ZNF710: variants seen among roughly 807,000 people sequenced by gnomAD.
The protein encoded by ZNF710 is zinc finger protein 710.
In ZNF710, 13 loss-of-function variants were observed where a neutral mutation model predicts 50.6. The observed-to-expected ratio is 0.26, with a 90% CI of 0.17 to 0.41. ZNF710 has a LOEUF of 0.41. ZNF710 is among the 10% of genes least tolerant of loss of function. The pLI is 1.00. For synonymous variants in ZNF710, 383 were observed against 397.0 expected, an observed-to-expected ratio of 0.96 and a Z score of 0.42; for missense variants, 721 against 936.6, an observed-to-expected ratio of 0.77 and a Z score of 3.01.
At position 90,079,237 on chromosome 15, in the gene ZNF710, C is replaced by T. The variant is rs73486397; in HGVS notation, c.1826-423C>T. On this transcript the variant is annotated intron_variant, in intron 4 of 4. Transcript: ENST00000268154. ...TGATTGCTGGATGAGGCGAGGCCTG[C>T]GAAGTGGCTGGCATGCAGCAGGTGC... 3.8e-3 allele frequency among the ~76,000 whole-genome samples: 585 copies of T among 152,268 alleles called. 6 individuals are homozygous for T. Among genetic ancestry groups the T allele is most frequent in the African/African-American group, 0.013 (556 of 41,540 alleles).
intron 1 of ZNF710, among the ~76,000 whole-genome samples, chr15:90,046,815 G>C (rs1031081763): frequency 1.3e-5 from 2 of 152,184 alleles, no homozygotes; most frequent in Non-Finnish European, 2.9e-5. Context: ...TGTGGTGTGG[G>C]TAAAGGTAGC....
chr15:90,053,683 C>A (rs1899717260), intron 1 of ZNF710, among the ~76,000 whole-genome samples: 1 of 152,196 alleles, frequency 6.6e-6, no homozygotes. Flanking sequence ...GATTTCTGCA[C>A]TGGCTTACCC....
At chr15:90,026,043 A>G (rs1333173036) in intron 1 of ZNF710, 3 of 152,226 alleles carry the variant, frequency 2.0e-5, no homozygotes, top group East Asian at 3.9e-4. Flanking sequence ...GCTTAGGAAA[A>G]AAAAAGAATA....
intron 4 of ZNF710, among the ~76,000 whole-genome samples, chr15:90,077,788 C>T (rs1900628248): frequency 6.6e-6 from 1 of 152,158 alleles, no homozygotes; most frequent in South Asian, 2.1e-4. Flanking sequence ...TGGTAGCGCA[C>T]ACCTATCGTC....
intron 1 of ZNF710, among the ~76,000 whole-genome samples, chr15:90,038,930 T>C (rs530059780): frequency 1.3e-5 from 2 of 152,302 alleles, no homozygotes; most frequent in East Asian, 3.9e-4. Flanking sequence ...TTGTGGGGCA[T>C]CCTGTCCAGC....
chr15:90,043,428 C>T (rs1222690297), intron 1 of ZNF710, among the ~76,000 whole-genome samples: 2 of 152,240 alleles, frequency 1.3e-5, no homozygotes. Flanking sequence ...AGCAGCCGAC[C>T]CTGTAATAAA....
chr15:90,059,033 G>T lies in ZNF710; in HGVS notation c.-28-8077G>T, dbSNP rs926310276. On this transcript the variant is annotated intron_variant, in intron 1 of 4. Transcript: ENST00000268154. This position sits in a 1 kb window ranked among gnomAD's most constrained non-coding sequence, Gnocchi z 4.1. ...AACATCTAGCTTAGCCAAGCACACA[G>T]CCGGGCACCATAGCTTAGCCAAGAT... 1.3e-5 allele frequency among the ~76,000 whole-genome samples: 2 copies of T among 152,176 alleles called. No homozygotes were observed. Among genetic ancestry groups the T allele is most frequent in the African/African-American group, 4.8e-5 (2 of 41,424 alleles).
At chr15:90,008,422 G>GTATA (rs1567218312) in intron 1 of ZNF710, among the ~76,000 whole-genome samples, 5 of 126,980 alleles carry the variant, frequency 3.9e-5, no homozygotes, top group African/African-American at 1.8e-4. Context: ...GTGTGTGTGT[G>GTATA]TGTGTATATA....
intron 1 of ZNF710, among the ~76,000 whole-genome samples, chr15:90,056,986 C>T (rs990277160): frequency 8.5e-5 from 13 of 152,258 alleles, no homozygotes; most frequent in Middle Eastern, 3.4e-3. Context: ...CTTCTGGGAT[C>T]AGCATTCCCT....
At position 90,040,777 on chromosome 15, in the gene ZNF710, C is replaced by T. The variant is rs370822094; in HGVS notation, c.-28-26333C>T. ...CTTACTTCCTCCTTCCTGTTATTTACGTCCATGTTCTGAAATAATATGTTA... is the reference window on the plus strand; with the variant it reads ...CTTACTTCCTCCTTCCTGTTATTTATGTCCATGTTCTGAAATAATATGTTA... On this transcript the variant is annotated intron_variant, in intron 1 of 4. Transcript: ENST00000268154. The surrounding 1 kb of genome is among the most constrained non-coding windows in gnomAD (Gnocchi z 4.6). 2.0e-5 allele frequency among the ~76,000 whole-genome samples: 3 copies of T among 152,198 alleles called. No homozygotes were observed. The highest frequency in any genetic ancestry group is 2.9e-5 in the Non-Finnish European group (2 of 68,038).
intron 4 of ZNF710, among the ~76,000 whole-genome samples, chr15:90,078,207 G>A (rs1272116677): frequency 8.6e-6 from 1 of 116,664 alleles, no homozygotes; most frequent in Non-Finnish European, 1.8e-5. Context: ...GCGAAACTCG[G>A]TCTCAAAAAA....
At chr15:90,030,469 G>A (rs902305819) in intron 1 of ZNF710, among the ~76,000 whole-genome samples, 3 of 151,754 alleles carry the variant, frequency 2.0e-5, no homozygotes, top group Admixed American at 6.6e-5. Context: ...TCAGCAAATC[G>A]TAAGCCTTCT....
rs148574231 is a variant in ZNF710, at chr15:90,048,155, A to G, written c.-28-18955A>G. 2.2e-3 allele frequency among the ~76,000 whole-genome samples: 332 copies of G among 152,346 alleles called. 2 individuals carry two copies. The highest frequency in any genetic ancestry group is 7.1e-3 in the African/African-American group (296 of 41,578). ...TTTGCCATTAGGAATAAGAGCCCAC[A>G]CAGGTGCTGCCCATTCAGATGCCAG... is the stretch of plus-strand genomic sequence containing the variant. On this transcript the variant is annotated intron_variant, in intron 1 of 4. Transcript: ENST00000268154.
intron 1 of ZNF710, among the ~76,000 whole-genome samples, chr15:90,032,835 G>A (rs969751882): frequency 6.0e-5 from 9 of 151,098 alleles, no homozygotes; most frequent in Non-Finnish European, 1.2e-4. Flanking sequence ...TACTCAGGAG[G>A]CTAAAGCAAG....
chr15:90,067,074 A>G lies in ZNF710; in HGVS notation c.-28-36A>G. 9 of 1,529,878 alleles carry G rather than the reference A, an allele frequency of 5.9e-6. No homozygotes were observed. Among genetic ancestry groups the G allele is most frequent in the Non-Finnish European group, 7.9e-6 (9 of 1,138,874 alleles). The allele number at this position is 1,529,878 out of a possible 1,614,324, so 94.8% of individuals were successfully genotyped here. A position where few individuals can be genotyped will look rare whatever the true frequency, so the allele number is the denominator to read the frequency against. ...TCTGTTGTCTGTCTGTGCAGGAGTG[A>G]GCCAGCAATATTAACCTTCCCTTCT... On this transcript the variant is annotated intron_variant, in intron 1 of 4. Transcript: ENST00000268154. The surrounding 1 kb of genome is among the most constrained non-coding windows in gnomAD (Gnocchi z 8.1).
At chr15:90,051,722 G>A (rs911034463) in intron 1 of ZNF710, among the ~76,000 whole-genome samples, 1 of 152,158 alleles carries the variant, frequency 6.6e-6, no homozygotes, top group Non-Finnish European at 1.5e-5. Context: ...CCTGGTAACC[G>A]TGGGTGAATC....
chr15:90,035,663 G>A (rs1442110485), intron 1 of ZNF710, among the ~76,000 whole-genome samples: 1 of 152,246 alleles, frequency 6.6e-6, no homozygotes, highest in African/African-American at 2.4e-5. Context: ...AATACCTGGT[G>A]GCTGAGTCAA....
rs573048077 is a variant in ZNF710 at position 90,043,901 on chromosome 15, A to G, written c.-28-23209A>G. Among the ~76,000 whole-genome samples, 251 of 148,804 alleles carry G rather than the reference A, an allele frequency of 1.7e-3. 1 individual carries two copies. The highest frequency in any genetic ancestry group is 5.8e-3 in the African/African-American group (236 of 40,358). ...TTTTCCCCTTTTTCTTCTTCTATTC[A>G]GTTCCTTTTTTTTTCCCCTCTTGCC... On this transcript the variant is annotated intron_variant, in intron 1 of 4. Coordinates refer to ENST00000268154, the MANE Select transcript of ZNF710 (RefSeq NM_198526.4).
Position 90,062,200 on chromosome 15 carries a change from T to C in ZNF710, c.-28-4910T>C, listed in dbSNP as rs1900030672. ...CTGCCCCCCCTTCCCTGTCTCTTCATTTCTTCTCTCCCTCTCCCTTTCTCT... is the reference window on the plus strand; with the variant it reads ...CTGCCCCCCCTTCCCTGTCTCTTCACTTCTTCTCTCCCTCTCCCTTTCTCT... On this transcript the variant is annotated intron_variant, in intron 1 of 4. Coordinates refer to ENST00000268154, the MANE Select transcript of ZNF710 (RefSeq NM_198526.4). The surrounding 1 kb of genome is among the most constrained non-coding windows in gnomAD (Gnocchi z 5.6). Among the ~76,000 whole-genome samples, 1 of 145,188 alleles carries C rather than the reference T, an allele frequency of 6.9e-6. No individual in the cohort carries two copies. The highest frequency in any genetic ancestry group is 2.6e-5 in the African/African-American group (1 of 39,020).
Sources: gnomAD v4.1 joint callset for allele counts (sites outside exome capture counted in the v4.1 genomes callset) on GRCh38, gnomAD v4.1.1 for gene constraint, Gnocchi (gnomAD v3.1) non-coding constraint, MANE v1.5 for transcripts, NCBI Gene and HGNC (gene_info 2026-07-23, HGNC 2026-07-21) for gene names.